The following CPNE3 variants were observed in gnomAD, a reference collection of about 807,000 sequenced individuals.
CPNE3 encodes the protein copine 3.
A neutral mutation model predicts 63.9 loss-of-function variants in CPNE3; 68 were observed. The observed-to-expected ratio is 1.06, with a 90% CI of 0.87 to 1.30. The LOEUF (loss-of-function observed/expected upper bound fraction) is 1.30, where lower values mean the gene tolerates loss of function less well. Ranked by LOEUF, CPNE3 falls within the 50% of genes most tolerant of loss-of-function variation. The pLI, the probability that CPNE3 is intolerant of heterozygous loss-of-function variation, is 0.00. For missense variants in CPNE3, 665 were observed against 578.1 expected (o/e 1.15, Z -1.54); for synonymous variants, 219 against 197.5 (o/e 1.11, Z -0.91).
In CPNE3 at chr8:86,533,590, C is replaced by CT. The variant is rs557344356; in HGVS notation, c.459+1021dup. On this transcript the variant is annotated intron_variant, in intron 6 of 16. Coordinates refer to ENST00000517490, the MANE Select transcript of CPNE3 (RefSeq NM_003909.5). ...AACATTTTAGACTATAGGCTGGGGA[C>CT]TTTTTTTTTTTAATTGTGGAAAAAT... Among the ~76,000 whole-genome samples the CT allele has an allele frequency of 4.6e-3, 673 of 145,054 alleles. 4 individuals carry two copies. Among genetic ancestry groups the CT allele is most frequent in the African/African-American group, 0.016 (628 of 40,042 alleles).
At chr8:86,547,872 T>C (rs1055506771) in intron 11 of CPNE3, 102 bp downstream of exon 11, 28 of 690,098 alleles carry the variant, frequency 4.1e-5, no homozygotes, top group Non-Finnish European at 5.8e-5. Flanking sequence ...TTTCACAATC[T>C]GTTTAGCATA....
chr8:86,560,418 C>A lies in CPNE3; in HGVS notation c.*2008C>A, dbSNP rs1197556920. 1.3e-5 allele frequency: 2 copies of A among 152,128 alleles called. No individual in the cohort carries two copies. The highest frequency in any genetic ancestry group is 2.9e-5 in the Non-Finnish European group (2 of 68,040). The allele number at this position is 152,128 out of a possible 1,614,324, so 9.4% of individuals were successfully genotyped here. A position where few individuals can be genotyped will look rare whatever the true frequency, so the allele number is the denominator to read the frequency against. On this transcript the variant is annotated 3_prime_UTR_variant, in exon 17 of 17. Transcript: ENST00000517490. ...GGTCCCAGTCACTGGGCATATCCTC[C>A]TTCTCCTTAACCAGCTCCACAGCAG...
Position 86,532,557 on chromosome 8 carries a change from G to A in CPNE3, c.436G>A (p.Glu146Lys), listed in dbSNP as rs1191201530. ...KDNRVVLFEMEARKLDNKDLF... is the reference protein window; with the variant it reads ...KDNRVVLFEMKARKLDNKDLF... The stretch of plus-strand genomic sequence containing the variant: ...TAATAGAGTGGTCTTGTTTGAAATG[G>A]AAGCCAGAAAACTGGATAATAAGGT... The change falls in exon 6 of 17, where the codon GAA becomes AAA. Residue 146 changes from glutamate to lysine, a missense_variant. Physicochemically the swap from Glu to Lys is moderately conservative, Grantham distance 56 (BLOSUM62 1). Coordinates refer to ENST00000517490, the MANE Select transcript of CPNE3 (RefSeq NM_003909.5). 1.2e-6 allele frequency: 2 copies of A among 1,613,140 alleles called. No homozygotes were observed. Among genetic ancestry groups the A allele is most frequent in the Non-Finnish European group, 1.7e-6 (2 of 1,179,544 alleles).
chr8:86,537,081 A>G (rs1443263976), intron 6 of CPNE3, among the ~76,000 whole-genome samples: 2 of 152,300 alleles, frequency 1.3e-5, no homozygotes, highest in East Asian at 1.9e-4. Context: ...TGAGATATGA[A>G]GTTAAAGCCT....
intron 6 of CPNE3, among the ~76,000 whole-genome samples, chr8:86,534,034 G>A (rs1030336022): frequency 8.6e-5 from 13 of 151,866 alleles, no homozygotes; most frequent in African/African-American, 2.9e-4. Flanking sequence ...ACTGAGGCAG[G>A]AAGATGGCTT....
chr8:86,555,558 G>T (rs543167129), intron 15 of CPNE3, among the ~76,000 whole-genome samples: 1 of 152,098 alleles, frequency 6.6e-6, no homozygotes, highest in Non-Finnish European at 1.5e-5. Flanking sequence ...GACTTAAATG[G>T]CCCAAAAGAT....
rs147507937 is a variant in CPNE3, at chr8:86,542,203, C to T, written c.633+1869C>T. Among the ~76,000 whole-genome samples the T allele has an allele frequency of 7.3e-3, 1,108 of 152,262 alleles. 8 individuals are homozygous for T. Among genetic ancestry groups the T allele is most frequent in the African/African-American group, 0.018 (766 of 41,566 alleles). ...ACTGACTTTATTTCATTTAGTTCTG[C>T]ATTTCTTTGCAATATCAAAAAGTCA... On this transcript the variant is annotated intron_variant, in intron 8 of 16. Coordinates refer to ENST00000517490, the MANE Select transcript of CPNE3 (RefSeq NM_003909.5).
At chr8:86,526,013 G>T (rs1330763210) in intron 2 of CPNE3, among the ~76,000 whole-genome samples, 1 of 152,150 alleles carries the variant, frequency 6.6e-6, no homozygotes, top group Non-Finnish European at 1.5e-5. Flanking sequence ...TTTTACTGAT[G>T]AGGAAATCTA....
At chr8:86,537,825 T>C (rs552127822) in intron 7 of CPNE3, among the ~76,000 whole-genome samples, 179 bp downstream of exon 7, 1 of 152,324 alleles carries the variant, frequency 6.6e-6, no homozygotes, top group African/African-American at 2.4e-5. Flanking sequence ...TACCGTACTT[T>C]ATGATTTTTA....
intron 14 of CPNE3, 48 bp downstream of exon 14, chr8:86,551,282 G>C (rs771482808): frequency 1.6e-6 from 2 of 1,251,570 alleles, no homozygotes; most frequent in Admixed American, 3.5e-5. Flanking sequence ...AGGCTCACTA[G>C]TCTTTGTTAT....
rs1354393330 is a variant in CPNE3 at position 86,529,225 on chromosome 8, C to CA, written c.312+102dup. 4 of 949,430 alleles carry CA rather than the reference C, an allele frequency of 4.2e-6. No individual in the cohort carries two copies. In the African/African-American group the frequency reaches 6.6e-5, roughly 16 times the overall value. 58.8% of individuals were successfully genotyped at this position (949,430 alleles called of 1,614,324 possible). ...GCATTTAATTTTTAAAGTTGAAAAACATGTAATCACTTTAAAGACAGTTTA... is the reference window on the plus strand; with the variant it reads ...GCATTTAATTTTTAAAGTTGAAAAACAATGTAATCACTTTAAAGACAGTTTA... On this transcript the variant is annotated intron_variant, in intron 4 of 16. Transcript: ENST00000517490.
intron 8 of CPNE3, among the ~76,000 whole-genome samples, chr8:86,541,758 T>C (rs1468778491): frequency 1.3e-5 from 2 of 151,710 alleles, no homozygotes. Flanking sequence ...AAAAATTGCT[T>C]CCAGTTTGTA....
In CPNE3 at chr8:86,537,564, A is replaced by T. The variant is rs777003078; in HGVS notation, c.461A>T (p.Asp154Val). Residue 154 changes from aspartate (D) to valine (V), a missense_variant and splice_region_variant, in exon 7 of 17, where the codon GAT becomes GTT. Transcript: ENST00000517490. ...TTTTGTTGTTTGTTTTAAATGTAGG[A>T]TCTATTTGGAAAGTCAGACCCATAC... The part of the protein sequence containing the change: ...EMEARKLDNK[D>V]LFGKSDPYLE... 3.8e-6 allele frequency: 6 copies of T among 1,581,740 alleles called. No homozygotes were observed. The African/African-American group carries it at 5.4e-5, about 14-fold the overall frequency.
In CPNE3 at chr8:86,532,597, G is replaced by T. The variant is rs750502836; in HGVS notation, c.459+17G>T. 1.9e-6 allele frequency: 3 copies of T among 1,595,812 alleles called. No individual in the cohort carries two copies. The highest frequency in any genetic ancestry group is 2.7e-5 in the African/African-American group (2 of 73,918). Reference sequence around the variant, plus strand: ...GATAATAAGGTGGGTAGACTATGCAGATTTCAAAAAGGTTGTCATGTTTTG... The same window carrying T: ...GATAATAAGGTGGGTAGACTATGCATATTTCAAAAAGGTTGTCATGTTTTG... On this transcript the variant is annotated intron_variant, in intron 6 of 16. Transcript: ENST00000517490.
chr8:86,552,056 C>T (rs971152202), intron 14 of CPNE3, among the ~76,000 whole-genome samples: 10 of 152,268 alleles, frequency 6.6e-5, no homozygotes, highest in East Asian at 3.9e-4. Context: ...GCCAGCTCTT[C>T]CACTAAATTA....
At chr8:86,542,103 C>T (rs1820954281) in intron 8 of CPNE3, among the ~76,000 whole-genome samples, 2 of 152,164 alleles carry the variant, frequency 1.3e-5, no homozygotes, top group Non-Finnish European at 2.9e-5. Flanking sequence ...TGAGCTTTCT[C>T]TAATGAATGT....
At chr8:86,537,022 A>T (rs889825219) in intron 6 of CPNE3, among the ~76,000 whole-genome samples, 5 of 152,176 alleles carry the variant, frequency 3.3e-5, no homozygotes, top group Admixed American at 1.3e-4. Context: ...TCATTTGTGT[A>T]TGTAAAGAAA....
chr8:86,528,458 C>T, intron 2 of CPNE3, 78 bp from the exon 3 acceptor site: 1 of 1,518,566 alleles, frequency 6.6e-7, no homozygotes, highest in South Asian at 1.2e-5. Flanking sequence ...CTTAAGAAGT[C>T]ACCTGTTTTT....
At chr8:86,532,658 C>A (rs1820708588) in intron 6 of CPNE3, 78 bp downstream of exon 6, 2 of 1,208,620 alleles carry the variant, frequency 1.7e-6, no homozygotes, top group Non-Finnish European at 2.4e-6. Flanking sequence ...CAGTTAATAT[C>A]ATGAACTCCA....
Sources: gnomAD v4.1 joint callset for allele counts (sites outside exome capture counted in the v4.1 genomes callset) on GRCh38, gnomAD v4.1.1 for gene constraint, MANE v1.5 for transcripts, NCBI Gene and HGNC (gene_info 2026-07-23, HGNC 2026-07-21) for gene names.